CYP4F22: variants seen among roughly 807,000 people sequenced by gnomAD.
The protein encoded by CYP4F22 is ultra-long-chain fatty acid omega-hydroxylase.
A neutral mutation model predicts 60.4 loss-of-function variants in CYP4F22; 37 were observed. The observed-to-expected ratio is 0.61, with a 90% confidence interval of 0.47 to 0.81. CYP4F22 has a LOEUF of 0.81. Ranked by LOEUF, CYP4F22 falls within the 30% of genes least tolerant of loss-of-function variation. CYP4F22 has a pLI of 0.00. For missense variants in CYP4F22, 655 were observed against 715.0 expected (o/e 0.92, Z 0.96); for synonymous variants, 258 against 280.5 (o/e 0.92, Z 0.80).
At chr19:15,512,555 C>T (rs1218871503) in intron 1 of CYP4F22, among the ~76,000 whole-genome samples, 1 of 152,160 alleles carries the variant, frequency 6.6e-6, no homozygotes, top group Non-Finnish European at 1.5e-5. Flanking sequence ...ATCCTCCCTC[C>T]TCAGCCTCCC....
At chr19:15,533,796 G>T (rs954071255) in intron 4 of CYP4F22, among the ~76,000 whole-genome samples, 1 of 151,690 alleles carries the variant, frequency 6.6e-6, no homozygotes, top group African/African-American at 2.4e-5. Context: ...TAGAGATGGG[G>T]TCTTGCTATG....
chr19:15,517,899 G>A (rs983171422), intron 1 of CYP4F22, among the ~76,000 whole-genome samples: 2 of 152,146 alleles, frequency 1.3e-5, no homozygotes, highest in African/African-American at 4.8e-5. Context: ...ATGTGCAAAG[G>A]CTCTGAGACG....
intron 10 of CYP4F22, among the ~76,000 whole-genome samples, chr19:15,546,462 T>C (rs1971527482): frequency 6.6e-6 from 1 of 152,208 alleles, no homozygotes; most frequent in Non-Finnish European, 1.5e-5. Flanking sequence ...TGTGTGCCTG[T>C]AATCCCAGCT....
At position 15,525,355 on chromosome 19, in the gene CYP4F22, C is replaced by G; in HGVS notation, c.19C>G (p.Arg7Gly). The stretch of plus-strand genomic sequence containing the variant: ...CCCCAGGATGCTGCCCATCACAGAC[C>G]GCCTGCTGCACCTCCTGGGGCTGGA... MLPITD[R>G]LLHLLGLEKT... Residue 7 changes from arginine to glycine, a missense_variant, in exon 3 of 14, where the codon CGC becomes GGC. Transcript: ENST00000269703. 6.2e-7 allele frequency: 1 copy of G among 1,613,866 alleles called. No homozygotes were observed. Among genetic ancestry groups the G allele is most frequent in the Non-Finnish European group, 8.5e-7 (1 of 1,180,040 alleles).
chr19:15,521,571 A>T (rs1971225816), intron 1 of CYP4F22, among the ~76,000 whole-genome samples: 1 of 152,322 alleles, frequency 6.6e-6, no homozygotes, highest in Admixed American at 6.5e-5. Context: ...TGCTGCTCTG[A>T]ACATGAGTGT....
intron 1 of CYP4F22, among the ~76,000 whole-genome samples, chr19:15,514,849 C>A (rs1971135500): frequency 6.6e-6 from 1 of 152,122 alleles, no homozygotes; most frequent in East Asian, 1.9e-4. Context: ...GGGGCCGTGG[C>A]ACACTAGAAG....
At chr19:15,541,126 C>A (rs1971457648) in intron 8 of CYP4F22, among the ~76,000 whole-genome samples, 1 of 152,172 alleles carries the variant, frequency 6.6e-6, no homozygotes, top group Non-Finnish European at 1.5e-5. Context: ...AAAAGAAATT[C>A]ACATGGGTCT....
At chr19:15,512,170 C>T (rs1209679098) in intron 1 of CYP4F22, among the ~76,000 whole-genome samples, 3 of 152,134 alleles carry the variant, frequency 2.0e-5, no homozygotes, top group Non-Finnish European at 4.4e-5. Flanking sequence ...GTCCCAAAAA[C>T]CTTAGGGGGT....
chr19:15,538,333 T>C (rs1971423153), intron 7 of CYP4F22, among the ~76,000 whole-genome samples: 1 of 152,176 alleles, frequency 6.6e-6, no homozygotes, highest in South Asian at 2.1e-4. Flanking sequence ...CTCCCCACTT[T>C]CTGAGGCTCA....
At chr19:15,516,768 GAT>G in intron 1 of CYP4F22, 1 of 584,480 alleles carries the variant, frequency 1.7e-6, no homozygotes, top group Non-Finnish European at 2.8e-6. Context: ...ACTCTGGAAA[GAT>G]AGTCCACTTG....
chr19:15,536,288 A>C (rs1241536977), intron 4 of CYP4F22, among the ~76,000 whole-genome samples: 2 of 152,174 alleles, frequency 1.3e-5, no homozygotes, highest in Non-Finnish European at 2.9e-5. Context: ...GCAGTGAGCT[A>C]TGATCTCACC....
At chr19:15,538,445 G>T (rs1477005337) in intron 7 of CYP4F22, among the ~76,000 whole-genome samples, 2 of 152,178 alleles carry the variant, frequency 1.3e-5, no homozygotes, top group Admixed American at 6.5e-5. Context: ...TTGATGCTCA[G>T]AGAATATTTG....
chr19:15,509,861 C>T (rs1043003232), intron 1 of CYP4F22, among the ~76,000 whole-genome samples: 1 of 77,982 alleles, frequency 1.3e-5, no homozygotes, highest in Non-Finnish European at 2.6e-5. Context: ...TCTCTCCTTC[C>T]TTCCTTCCTT....
intron 8 of CYP4F22, 78 bp from the exon 9 acceptor site, chr19:15,543,893 A>T: frequency 1.7e-5 from 23 of 1,327,466 alleles, no homozygotes; most frequent in Non-Finnish European, 2.5e-5. Flanking sequence ...GGGCGGGGAG[A>T]TATCTGAGTT....
chr19:15,521,003 A>C (rs1020406749), intron 1 of CYP4F22, among the ~76,000 whole-genome samples: 7 of 151,808 alleles, frequency 4.6e-5, no homozygotes, highest in African/African-American at 1.7e-4. Flanking sequence ...TCCTGACCTC[A>C]TGATCTGCCT....
At chr19:15,541,669 T>G (rs1410428335) in intron 8 of CYP4F22, among the ~76,000 whole-genome samples, 1 of 150,960 alleles carries the variant, frequency 6.6e-6, no homozygotes. Flanking sequence ...TCACTTGAGG[T>G]CAGGAATTCG....
intron 1 of CYP4F22, chr19:15,516,009 C>G (rs902828980): frequency 6.6e-6 from 1 of 152,108 alleles, no homozygotes; most frequent in African/African-American, 2.4e-5. Context: ...AGGCATGAGT[C>G]ACCGCGCCCG....
intron 1 of CYP4F22, chr19:15,515,568 G>A (rs1366641364): frequency 2.0e-6 from 1 of 506,242 alleles, no homozygotes; most frequent in Non-Finnish European, 3.8e-6. Flanking sequence ...CTACTAAAAA[G>A]TACAAAAATT....
chr19:15,542,384 A>T (rs1971473480), intron 8 of CYP4F22, among the ~76,000 whole-genome samples: 1 of 150,932 alleles, frequency 6.6e-6, no homozygotes, highest in South Asian at 2.1e-4. Context: ...ATAAAAAAAA[A>T]ATATTAGCCG....
Sources: allele counts gnomAD v4.1 joint callset (sites outside exome capture counted in the v4.1 genomes callset), GRCh38; gene constraint gnomAD v4.1.1; transcripts MANE v1.5; gene names NCBI Gene and HGNC (gene_info 2026-07-23, HGNC 2026-07-21).